Variants in GRIK2 observed in about 807,000 individuals in gnomAD.
GRIK2 encodes the protein glutamate ionotropic receptor kainate type subunit 2.
Under a neutral mutation model 100.3 loss-of-function variants are expected in GRIK2, and 32 were observed. The ratio of observed to expected loss-of-function variants is 0.32; its 90% CI spans 0.24 to 0.43. The LOEUF is 0.43. Among genes scored for constraint, GRIK2 ranks in the 20% least tolerant of loss-of-function variants. The pLI is 1.00. For synonymous variants in GRIK2, 417 were observed against 389.4 expected (o/e 1.07, Z -0.83); for missense variants, 843 against 1,114.9 (o/e 0.76, Z 3.47).
intron 2 of GRIK2, among the ~76,000 whole-genome samples, chr6:101,566,839 A>T (rs1777299400): frequency 6.8e-6 from 1 of 146,594 alleles, no homozygotes; most frequent in Non-Finnish European, 1.5e-5. Context: ...TAATAGGCAT[A>T]TACATATAAT....
At chr6:101,586,234 C>A (rs887092804) in intron 2 of GRIK2, among the ~76,000 whole-genome samples, 2 of 151,598 alleles carry the variant, frequency 1.3e-5, no homozygotes, top group Non-Finnish European at 2.9e-5. Context: ...TTCCATGGAA[C>A]AGAGACTAAA....
At chr6:102,033,785 GTT>G (rs1331403987) in intron 14 of GRIK2, among the ~76,000 whole-genome samples, 2 of 151,334 alleles carry the variant, frequency 1.3e-5, no homozygotes, top group Non-Finnish European at 3.0e-5. Flanking sequence ...TTTTAAGTGA[GTT>G]TATGTTTTGT....
At chr6:101,656,121 G>A (rs941294691) in intron 4 of GRIK2, among the ~76,000 whole-genome samples, 15 of 151,936 alleles carry the variant, frequency 9.9e-5, no homozygotes, top group Non-Finnish European at 2.1e-4. Flanking sequence ...TGGCCAAAAT[G>A]GGGAGACCCC....
chr6:101,397,948 GAAT>G (rs1477900745), intron 1 of GRIK2, among the ~76,000 whole-genome samples: 1 of 151,860 alleles, frequency 6.6e-6, no homozygotes, highest in African/African-American at 2.4e-5. Context: ...TAAATAGACA[GAAT>G]ATTACTTATT....
intron 14 of GRIK2, among the ~76,000 whole-genome samples, chr6:101,935,100 T>A (rs919380955): frequency 2.6e-5 from 4 of 151,974 alleles, no homozygotes; most frequent in African/African-American, 4.8e-5. Context: ...GAAATCAGGT[T>A]ATGTCTTTTA....
intron 4 of GRIK2, among the ~76,000 whole-genome samples, chr6:101,634,261 A>G (rs1207779961): frequency 6.6e-6 from 1 of 152,114 alleles, no homozygotes; most frequent in African/African-American, 2.4e-5. Context: ...AGAATTTAGT[A>G]AGTGGTTGCC....
At chr6:101,487,994 C>T (rs1772915708) in intron 2 of GRIK2, among the ~76,000 whole-genome samples, 1 of 146,134 alleles carries the variant, frequency 6.8e-6, no homozygotes, top group Admixed American at 6.8e-5. Flanking sequence ...AAATTATGTT[C>T]AGATGGATGT....
At chr6:101,425,539 CT>C (rs1158443074) in intron 2 of GRIK2, among the ~76,000 whole-genome samples, 2 of 152,078 alleles carry the variant, frequency 1.3e-5, no homozygotes, top group Non-Finnish European at 2.9e-5. Flanking sequence ...CAAAATGCAT[CT>C]TTTTTCCCAA....
chr6:101,955,371 C>G (rs28866893), intron 14 of GRIK2, among the ~76,000 whole-genome samples: 10,600 of 152,094 alleles, frequency 0.07, 444 homozygotes, highest in Middle Eastern at 0.17. Context: ...ATATATCCAG[C>G]CTGGGCACAG....
intron 2 of GRIK2, among the ~76,000 whole-genome samples, chr6:101,612,103 C>T (rs1423152014): frequency 3.9e-5 from 6 of 151,908 alleles, no homozygotes; most frequent in South Asian, 2.1e-4. Flanking sequence ...TGAGGTCCCT[C>T]GTGTCTTAAT....
At chr6:101,865,029 C>T (rs1227048666) in intron 11 of GRIK2, among the ~76,000 whole-genome samples, 2 of 152,058 alleles carry the variant, frequency 1.3e-5, no homozygotes, top group African/African-American at 2.4e-5. Context: ...AAGAGTGCAT[C>T]GGGCAATAAA....
chr6:101,706,333 C>A (rs975905686), intron 7 of GRIK2, among the ~76,000 whole-genome samples: 3 of 151,918 alleles, frequency 2.0e-5, no homozygotes, highest in African/African-American at 7.2e-5. Context: ...AAATATAACA[C>A]CCGATATATG....
At chr6:101,801,379 G>A (rs1384505418) in intron 8 of GRIK2, among the ~76,000 whole-genome samples, 1 of 151,918 alleles carries the variant, frequency 6.6e-6, no homozygotes, top group African/African-American at 2.4e-5. Flanking sequence ...TTATGAATAT[G>A]TATTAAACTT....
chr6:101,758,760 T>C (rs1583086658), intron 7 of GRIK2, among the ~76,000 whole-genome samples: 2 of 152,316 alleles, frequency 1.3e-5, no homozygotes. Flanking sequence ...TTTTATTACG[T>C]GATAAACTGG....
At chr6:101,915,205 T>C (rs1467100701) in intron 12 of GRIK2, among the ~76,000 whole-genome samples, 1 of 151,368 alleles carries the variant, frequency 6.6e-6, no homozygotes, top group Non-Finnish European at 1.5e-5. Context: ...ACAATAAAAA[T>C]ATTTTGGGAT....
At chr6:101,493,985 A>G (rs985284982) in intron 2 of GRIK2, among the ~76,000 whole-genome samples, 1 of 142,898 alleles carries the variant, frequency 7.0e-6, no homozygotes, top group Non-Finnish European at 1.5e-5. Context: ...TATATATTAT[A>G]TAAAAATTAT....
chr6:101,991,367 A>T (rs527748951), intron 14 of GRIK2, among the ~76,000 whole-genome samples: 1 of 149,250 alleles, frequency 6.7e-6, no homozygotes, highest in Non-Finnish European at 1.5e-5. Flanking sequence ...GTCTGACTCC[A>T]AAGCCTAGTA....
intron 7 of GRIK2, among the ~76,000 whole-genome samples, chr6:101,770,401 G>A (rs896413423): frequency 9.9e-5 from 15 of 152,136 alleles, no homozygotes; most frequent in Admixed American, 9.8e-4. Flanking sequence ...CCTGAGTAAA[G>A]TGTCATCACC....
chr6:101,565,584 G>A lies in GRIK2; in HGVS notation c.116-56365G>A, dbSNP rs572137250. On this transcript the variant is annotated intron_variant, in intron 2 of 16. Coordinates refer to ENST00000369134, the MANE Select transcript of GRIK2 (RefSeq NM_021956.5). ...TTTAACAAAGAAGATTGCATTGAAT[G>A]TATAAACAGTGAGGAAAGAAACTAC... 5.9e-5 allele frequency among the ~76,000 whole-genome samples: 9 copies of A among 152,094 alleles called. No individual in the cohort carries two copies. The South Asian group carries it at 1.2e-3, about 21-fold the overall frequency.
Sources: allele counts gnomAD v4.1 joint callset (sites outside exome capture counted in the v4.1 genomes callset), GRCh38; gene constraint gnomAD v4.1.1; transcripts MANE v1.5; gene names NCBI Gene and HGNC (gene_info 2026-07-23, HGNC 2026-07-21).